TMCC1: variants seen among roughly 807,000 people sequenced by gnomAD.
The protein encoded by TMCC1 is transmembrane and coiled-coil domains protein 1.
TMCC1 carries 15 observed loss-of-function variants against 52.4 expected under a neutral mutation model. The ratio of observed to expected loss-of-function variants is 0.29; its 90% CI spans 0.19 to 0.44. TMCC1 has a LOEUF of 0.44. Among genes scored for constraint, TMCC1 ranks in the 20% least tolerant of loss-of-function variants. TMCC1 has a pLI of 1.00. For missense variants in TMCC1, 503 were observed against 806.0 expected (o/e 0.62, Z 4.55); for synonymous variants, 279 against 301.9 (o/e 0.92, Z 0.79).
chr3:129,779,149 G>C (rs1011084485), intron 4 of TMCC1, among the ~76,000 whole-genome samples: 2 of 152,104 alleles, frequency 1.3e-5, no homozygotes, highest in Non-Finnish European at 2.9e-5. Flanking sequence ...AATCAGCTAA[G>C]AATGGTCATG....
Position 129,794,286 on chromosome 3 carries a change from A to G in TMCC1, c.576+33517T>C, listed in dbSNP as rs768652356. ...AAGGAACCATGCTGAAGCAAGTGAG[A>G]GTTTCCCCTCCACAAACATAGAAAA... is the stretch of plus-strand genomic sequence containing the variant. On this transcript the variant is annotated intron_variant, in intron 4 of 6. Transcript: ENST00000393238. 2.4e-5 allele frequency: 11 copies of G among 456,216 alleles called. 1 individual carries two copies. The highest frequency in any genetic ancestry group is 1.7e-4 in the South Asian group (11 of 64,554). 28.3% of individuals were successfully genotyped at this position (456,216 alleles called of 1,614,324 possible).
At chr3:129,688,016 G>C (rs1188637917) in intron 4 of TMCC1, among the ~76,000 whole-genome samples, 2 of 152,224 alleles carry the variant, frequency 1.3e-5, no homozygotes, top group Non-Finnish European at 2.9e-5. Flanking sequence ...GGTCACAACT[G>C]AATGACCACA....
intron 4 of TMCC1, among the ~76,000 whole-genome samples, chr3:129,730,563 TG>T (rs2050461038): frequency 6.6e-6 from 1 of 152,242 alleles, no homozygotes; most frequent in Non-Finnish European, 1.5e-5. Flanking sequence ...TGTAGCTTTA[TG>T]GTAAGTCTGA....
At chr3:129,785,580 C>A (rs1400420622) in intron 4 of TMCC1, among the ~76,000 whole-genome samples, 2 of 145,896 alleles carry the variant, frequency 1.4e-5, no homozygotes, top group Non-Finnish European at 2.9e-5. Flanking sequence ...CACACACACA[C>A]ACACAAACAC....
chr3:129,665,609 G>T (rs2108873326), intron 5 of TMCC1, among the ~76,000 whole-genome samples: 1 of 152,206 alleles, frequency 6.6e-6, no homozygotes, highest in Non-Finnish European at 1.5e-5. Context: ...TTCAACTTGG[G>T]ATAGGCCTAA....
intron 1 of TMCC1, among the ~76,000 whole-genome samples, chr3:129,886,413 CAA>C (rs1482514434): frequency 6.6e-6 from 1 of 152,020 alleles, no homozygotes; most frequent in African/African-American, 2.4e-5. Flanking sequence ...GTTACATACT[CAA>C]GAGAACTGAA....
chr3:129,697,554 C>T (rs1037188711), intron 4 of TMCC1, among the ~76,000 whole-genome samples: 5 of 152,206 alleles, frequency 3.3e-5, no homozygotes, highest in Non-Finnish European at 7.3e-5. Flanking sequence ...TTCCTTGTTA[C>T]TTATGCAAAT....
At chr3:129,876,606 C>A (rs555507457) in intron 2 of TMCC1, among the ~76,000 whole-genome samples, 1 of 151,812 alleles carries the variant, frequency 6.6e-6, no homozygotes, top group Admixed American at 6.6e-5. Context: ...CCAGCCTGGG[C>A]AACATATGCA....
At chr3:129,776,881 C>T (rs1205105615) in intron 4 of TMCC1, among the ~76,000 whole-genome samples, 1 of 152,154 alleles carries the variant, frequency 6.6e-6, no homozygotes, top group East Asian at 1.9e-4. Context: ...GCAATCCTCT[C>T]ACCTCAGCCT....
At chr3:129,728,331 A>G (rs12639422) in intron 4 of TMCC1, among the ~76,000 whole-genome samples, 150,128 of 152,286 alleles carry the variant, frequency 0.99, 74,038 homozygotes, top group East Asian at 1. Flanking sequence ...TGTCGCCTAG[A>G]CTGGAGTGCA....
intron 4 of TMCC1, among the ~76,000 whole-genome samples, chr3:129,792,676 T>A (rs184435765): frequency 6.6e-6 from 1 of 152,352 alleles, no homozygotes; most frequent in East Asian, 1.9e-4. Flanking sequence ...TTCAGTTCAT[T>A]ACTCTGATAG....
At chr3:129,668,667 C>G (rs890652241) in intron 5 of TMCC1, among the ~76,000 whole-genome samples, 5 of 152,214 alleles carry the variant, frequency 3.3e-5, no homozygotes, top group Non-Finnish European at 7.4e-5. Flanking sequence ...CTCTTGTTGC[C>G]CAGGCTGGAG....
intron 4 of TMCC1, among the ~76,000 whole-genome samples, chr3:129,761,693 A>G (rs2107679278): frequency 6.6e-6 from 1 of 152,236 alleles, no homozygotes. Context: ...TAGAAATGGG[A>G]AAAGAGTACT....
At position 129,678,301 on chromosome 3, in the gene TMCC1, G is replaced by A. The variant is rs2088642294; in HGVS notation, c.577-7037C>T. Among the ~76,000 whole-genome samples the A allele has an allele frequency of 2.0e-5, 3 of 148,976 alleles. No individual in the cohort carries two copies. The South Asian group carries it at 6.4e-4, about 32-fold the overall frequency. On this transcript the variant is annotated intron_variant, in intron 4 of 6. Transcript: ENST00000393238. ...ATAATCATAGTTGCTAATACATATA[G>A]TATACTTGCTATGTGCTAAGCACTG...
At chr3:129,780,471 C>T (rs896238030) in intron 4 of TMCC1, among the ~76,000 whole-genome samples, 1 of 152,016 alleles carries the variant, frequency 6.6e-6, no homozygotes, top group African/African-American at 2.4e-5. Flanking sequence ...TCCGTTTTTC[C>T]ACTATTACCT....
chr3:129,663,963 G>A (rs1364559108), intron 5 of TMCC1, among the ~76,000 whole-genome samples: 1 of 152,190 alleles, frequency 6.6e-6, no homozygotes, highest in Non-Finnish European at 1.5e-5. Context: ...GATGAGTTAT[G>A]TAATCTACTC....
intron 4 of TMCC1, among the ~76,000 whole-genome samples, chr3:129,676,832 T>C (rs76331185): frequency 0.089 from 13,542 of 152,172 alleles, 662 homozygotes; most frequent in Middle Eastern, 0.15. Context: ...ATGAGATTTT[T>C]TGAAAAAATG....
intron 4 of TMCC1, among the ~76,000 whole-genome samples, chr3:129,796,970 T>G (rs1011020741): frequency 2.0e-5 from 3 of 152,238 alleles, no homozygotes; most frequent in Non-Finnish European, 4.4e-5. Flanking sequence ...TCAACTATGC[T>G]CGTATCATAT....
At chr3:129,801,787 G>C (rs1311784904) in intron 4 of TMCC1, among the ~76,000 whole-genome samples, 1 of 152,176 alleles carries the variant, frequency 6.6e-6, no homozygotes, top group Non-Finnish European at 1.5e-5. Flanking sequence ...GCTAACATAT[G>C]ATCCTACACT....
Sources: gnomAD v4.1 joint callset for allele counts (sites outside exome capture counted in the v4.1 genomes callset) on GRCh38, gnomAD v4.1.1 for gene constraint, MANE v1.5 for transcripts, NCBI Gene and HGNC (gene_info 2026-07-23, HGNC 2026-07-21) for gene names.